AMBRA1: variants seen among roughly 807,000 people sequenced by gnomAD.
AMBRA1 encodes autophagy and beclin 1 regulator 1.
Under a neutral mutation model 125.4 loss-of-function variants are expected in AMBRA1, and 47 were observed. The ratio of observed to expected loss-of-function variants is 0.37; its 90% CI spans 0.30 to 0.48. The LOEUF is 0.48. Ranked by LOEUF, AMBRA1 falls within the 20% of genes least tolerant of loss-of-function variation. The pLI, the probability that AMBRA1 is intolerant of heterozygous loss-of-function variation, is 0.99. For synonymous variants in AMBRA1, 626 were observed against 655.5 expected (o/e 0.95, Z 0.69); for missense variants, 1,331 against 1,693.4 (o/e 0.79, Z 3.76).
chr11:46,508,914 G>A (rs1951158592), intron 8 of AMBRA1, among the ~76,000 whole-genome samples: 1 of 152,156 alleles, frequency 6.6e-6, no homozygotes, highest in South Asian at 2.1e-4. Context: ...CTCCAGATTT[G>A]TCCTACCTCC....
At chr11:46,568,274 G>T (rs1591146260) in intron 1 of AMBRA1, among the ~76,000 whole-genome samples, 2 of 151,162 alleles carry the variant, frequency 1.3e-5, no homozygotes, top group African/African-American at 4.9e-5. Context: ...CCTGGCCAAC[G>T]TGGTGAAACC....
chr11:46,428,134 C>G (rs1212896853), intron 14 of AMBRA1, among the ~76,000 whole-genome samples: 1 of 151,622 alleles, frequency 6.6e-6, no homozygotes, highest in Non-Finnish European at 1.5e-5. Context: ...AAGGGATAGA[C>G]CACTACTGAC....
At chr11:46,459,722 GA>G (rs1035456558) in intron 11 of AMBRA1, among the ~76,000 whole-genome samples, 6 of 93,936 alleles carry the variant, frequency 6.4e-5, no homozygotes, top group Non-Finnish European at 9.1e-5. Context: ...CTCCCAAAAA[GA>G]AAAAAAAAAT....
At chr11:46,454,639 T>C (rs2136807002) in intron 11 of AMBRA1, among the ~76,000 whole-genome samples, 1 of 147,644 alleles carries the variant, frequency 6.8e-6, no homozygotes, top group South Asian at 2.1e-4. Context: ...CAGTCCCAGC[T>C]ACTTGGGAGG....
intron 1 of AMBRA1, among the ~76,000 whole-genome samples, chr11:46,559,151 T>G (rs1177513066): frequency 6.6e-6 from 1 of 151,670 alleles, no homozygotes; most frequent in Non-Finnish European, 1.5e-5. Context: ...AATGCAAAAA[T>G]TAGATGGGCG....
At chr11:46,418,164 G>C in intron 14 of AMBRA1, 112 bp from the exon 15 acceptor site, 2 of 998,734 alleles carry the variant, frequency 2.0e-6, no homozygotes, top group Non-Finnish European at 2.6e-6. Flanking sequence ...AGGTGGTTAG[G>C]CTGGGAACAG....
At chr11:46,540,289 A>C (rs1166262223) in intron 7 of AMBRA1, among the ~76,000 whole-genome samples, 1 of 152,254 alleles carries the variant, frequency 6.6e-6, no homozygotes, top group Non-Finnish European at 1.5e-5. Flanking sequence ...TTGGTTTCTT[A>C]GAGCAGTAAC....
chr11:46,502,909 A>T (rs1360876747), intron 9 of AMBRA1, among the ~76,000 whole-genome samples: 2 of 151,832 alleles, frequency 1.3e-5, no homozygotes, highest in South Asian at 4.2e-4. Flanking sequence ...AAATACAAAA[A>T]AATTAGCTGG....
At chr11:46,578,258 G>A (rs567711303) in intron 1 of AMBRA1, among the ~76,000 whole-genome samples, 1 of 152,132 alleles carries the variant, frequency 6.6e-6, no homozygotes, top group Middle Eastern at 3.4e-3. Flanking sequence ...AAGCCGAGGC[G>A]GGTGGATCAC....
intron 7 of AMBRA1, among the ~76,000 whole-genome samples, chr11:46,516,895 G>T (rs1951515297): frequency 6.6e-6 from 1 of 151,976 alleles, no homozygotes; most frequent in Admixed American, 6.6e-5. Flanking sequence ...CCTAGGAAGG[G>T]CTCAGACAAG....
intron 11 of AMBRA1, among the ~76,000 whole-genome samples, chr11:46,483,127 G>A (rs1456920876): frequency 6.6e-6 from 1 of 152,104 alleles, no homozygotes; most frequent in Non-Finnish European, 1.5e-5. Context: ...CTTCTTCATG[G>A]CACAAAGCTG....
At chr11:46,458,279 C>T (rs774101813) in intron 11 of AMBRA1, among the ~76,000 whole-genome samples, 51 of 152,314 alleles carry the variant, frequency 3.3e-4, no homozygotes, top group Middle Eastern at 3.4e-3. Flanking sequence ...TAAAAGGACG[C>T]ACCTGGAACA....
At chr11:46,444,546 T>C (rs1948183159) in intron 11 of AMBRA1, among the ~76,000 whole-genome samples, 1 of 152,214 alleles carries the variant, frequency 6.6e-6, no homozygotes, top group African/African-American at 2.4e-5. Flanking sequence ...AACATTCTTG[T>C]ATGCTAGCTA....
In AMBRA1 at chr11:46,397,359, G is replaced by A. The variant is rs1945504450; in HGVS notation, c.*91C>T. The A allele has an allele frequency of 1.4e-6, 2 of 1,397,332 alleles. No homozygotes were observed. Among genetic ancestry groups the A allele is most frequent in the Middle Eastern group, 2.7e-4 (1 of 3,766 alleles). 86.6% of individuals were successfully genotyped at this position (1,397,332 alleles called of 1,614,324 possible). On this transcript the variant is annotated 3_prime_UTR_variant, in exon 18 of 18. Transcript: ENST00000683756. ...CTCCTCCTGTTCCCTGATGCAGCCA[G>A]CAGCTCTTCCACATGTCCAGTTCCC...
chr11:46,424,459 G>A (rs1565143410), intron 14 of AMBRA1, among the ~76,000 whole-genome samples: 2 of 152,158 alleles, frequency 1.3e-5, no homozygotes, highest in Non-Finnish European at 2.9e-5. Context: ...GCCACCCCTG[G>A]CCATTAGGAT....
Position 46,434,795 on chromosome 11 carries a change from C to T in AMBRA1, c.2821+54G>A, listed in dbSNP as rs946541214. 2.8e-5 allele frequency: 42 copies of T among 1,517,634 alleles called. No individual in the cohort carries two copies. In the South Asian group the frequency reaches 5.2e-4, roughly 19 times the overall value. The allele number at this position is 1,517,634 out of a possible 1,614,324, so 94.0% of individuals were successfully genotyped here. On this transcript the variant is annotated intron_variant, in intron 13 of 17. Transcript: ENST00000683756. ...AAGCTGTGCCTCACCTAGCAATGAC[C>T]ATGCCAAGGCACCAGCGTCCCTCTG... is the stretch of plus-strand genomic sequence containing the variant.
At position 46,417,988 on chromosome 11, in the gene AMBRA1, G is replaced by A; in HGVS notation, c.3041C>T (p.Ala1014Val). 1 of 1,610,442 alleles carries A rather than the reference G, an allele frequency of 6.2e-7. No individual in the cohort carries two copies. The highest frequency in any genetic ancestry group is 8.5e-7 in the Non-Finnish European group (1 of 1,177,508). ...DQRRHVSINS[A>V]RWLPEPGLGL... Reference sequence around the variant, plus strand: ...AAGCCCTGGCTCAGGCAGCCAACGGGCAGAGTTGATACTGACATGTCTCCG... The same window carrying A: ...AAGCCCTGGCTCAGGCAGCCAACGGACAGAGTTGATACTGACATGTCTCCG... Residue 1014 changes from alanine (A) to valine (V), a missense_variant, in exon 15 of 18, where the codon GCC becomes GTC. This residue lies in a region of AMBRA1 where 354 missense variants were observed against 532.7 expected (regional missense o/e 0.66). Coordinates refer to ENST00000683756, the MANE Select transcript of AMBRA1 (RefSeq NM_001387011.1).
intron 16 of AMBRA1, among the ~76,000 whole-genome samples, chr11:46,408,982 C>T (rs1257541055): frequency 6.6e-6 from 1 of 152,202 alleles, no homozygotes; most frequent in Non-Finnish European, 1.5e-5. Context: ...CAACAGGCCC[C>T]TGTCGGGGAG....
intron 7 of AMBRA1, among the ~76,000 whole-genome samples, chr11:46,524,101 C>T (rs1233529233): frequency 6.6e-6 from 1 of 152,168 alleles, no homozygotes; most frequent in South Asian, 2.1e-4. Flanking sequence ...CTCCTGACCT[C>T]GGGTGATCCG....
Sources: gnomAD v4.1 joint callset for allele counts (sites outside exome capture counted in the v4.1 genomes callset) on GRCh38, gnomAD v4.1.1 for gene constraint, gnomAD v4.1.1 regional missense constraint, MANE v1.5 for transcripts, NCBI Gene and HGNC (gene_info 2026-07-23, HGNC 2026-07-21) for gene names.